The following TMEM9B variants were observed in gnomAD, a reference collection of about 807,000 sequenced individuals.
The protein encoded by TMEM9B is transmembrane protein 9B.
In TMEM9B, 8 loss-of-function variants were observed where a neutral mutation model predicts 23.5. The observed-to-expected ratio is 0.34, with a 90% CI of 0.20 to 0.61. The LOEUF (loss-of-function observed/expected upper bound fraction) is 0.61, where lower values mean the gene tolerates loss of function less well. TMEM9B is among the 20% of genes least tolerant of loss of function. The pLI, the probability that TMEM9B is intolerant of heterozygous loss-of-function variation, is 0.78. For synonymous variants in TMEM9B, 106 were observed against 96.3 expected (o/e 1.10, Z -0.59); for missense variants, 197 against 252.3 (o/e 0.78, Z 1.49).
intron 2 of TMEM9B, among the ~76,000 whole-genome samples, chr11:8,960,892 C>T (rs1854067849): frequency 6.6e-6 from 1 of 152,028 alleles, no homozygotes; most frequent in Non-Finnish European, 1.5e-5. Flanking sequence ...ACTCTGTTGG[C>T]CAGGCTGGTC....
At chr11:8,960,859 A>AT (rs1399133426) in intron 2 of TMEM9B, among the ~76,000 whole-genome samples, 1 of 151,312 alleles carries the variant, frequency 6.6e-6, no homozygotes. Flanking sequence ...TTTTTTTTGT[A>AT]TTTTTAGTAG....
chr11:8,952,961 G>A, intron 4 of TMEM9B: 2 of 586,900 alleles, frequency 3.4e-6, no homozygotes, highest in Admixed American at 3.0e-5. Context: ...CTTTGGTACT[G>A]AAAGCAAGGC....
chr11:8,964,714 A>C (rs1854168599), upstream of TMEM9B: 1 of 187,250 alleles, frequency 5.3e-6, no homozygotes, highest in African/African-American at 2.4e-5. Flanking sequence ...GACCCCAGCA[A>C]ACTCCGAGTG....
chr11:8,964,369 G>GGGCTCAGGCTCA lies in TMEM9B; in HGVS notation c.-68_-57dup, dbSNP rs3833778. On this transcript the variant is annotated 5_prime_UTR_variant, in exon 1 of 5. Coordinates refer to ENST00000534025, the MANE Select transcript of TMEM9B (RefSeq NM_020644.3). ...AGCCCCCGCGACCGGCTCCCGGCTC[G>GGGCTCAGGCTCA]GGCTCAGGCTCAGGCTCAGGCTCAG... 1.5e-3 allele frequency: 2,256 copies of GGGCTCAGGCTCA among 1,516,140 alleles called. 16 individuals are homozygous for GGGCTCAGGCTCA. In the African/African-American group the frequency reaches 0.015, roughly 10 times the overall value. 93.9% of individuals were successfully genotyped at this position (1,516,140 alleles called of 1,614,324 possible).
intron 1 of TMEM9B, 167 bp downstream of exon 1, chr11:8,964,042 G>C (rs576413536): frequency 6.0e-6 from 4 of 670,708 alleles, no homozygotes; most frequent in Admixed American, 3.2e-5. Context: ...AGTGCCGCCG[G>C]GCAGTCGGGA....
chr11:8,963,957 C>G (rs375142888), intron 1 of TMEM9B: 2 of 519,454 alleles, frequency 3.9e-6, no homozygotes, highest in Non-Finnish European at 6.8e-6. Flanking sequence ...GGGCTGCTGT[C>G]CGGACTGTGG....
At chr11:8,961,527 C>T (rs1305468592) in intron 2 of TMEM9B, among the ~76,000 whole-genome samples, 1 of 152,220 alleles carries the variant, frequency 6.6e-6, no homozygotes, top group Non-Finnish European at 1.5e-5. Context: ...TCAGGATCCC[C>T]CAGTCATCAC....
At chr11:8,952,774 G>A in intron 4 of TMEM9B, 1 of 262,952 alleles carries the variant, frequency 3.8e-6, no homozygotes, top group Admixed American at 4.9e-5. Context: ...TTATCAAGTT[G>A]TACTTCATTA....
chr11:8,953,379 C>A, intron 3 of TMEM9B, 42 bp from the exon 4 acceptor site: 1 of 1,600,998 alleles, frequency 6.2e-7, no homozygotes, highest in East Asian at 2.2e-5. Context: ...TGTTCAAGCC[C>A]ATAAATCAGA....
upstream of TMEM9B, chr11:8,964,471 G>T (rs1007950051): frequency 7.0e-7 from 1 of 1,422,036 alleles, no homozygotes; most frequent in East Asian, 2.6e-5. Context: ...GGGCGCGCCG[G>T]GTCAGATGCA....
At chr11:8,956,076 T>C (rs904066144) in intron 3 of TMEM9B, 114 bp downstream of exon 3, 2 of 780,522 alleles carry the variant, frequency 2.6e-6, no homozygotes, top group Non-Finnish European at 4.1e-6. Flanking sequence ...AACAGGCCCA[T>C]TATTCCTTTT....
At chr11:8,948,622 T>C (rs1341986760) in intron 4 of TMEM9B, 147 bp from the exon 5 acceptor site, 2 of 853,354 alleles carry the variant, frequency 2.3e-6, no homozygotes, top group Non-Finnish European at 3.5e-6. Flanking sequence ...TCCTAAGCGC[T>C]CAACTACCAG....
At position 8,948,174 on chromosome 11, in the gene TMEM9B, CA is replaced by C. The variant is rs1054042072; in HGVS notation, c.*145del. On this transcript the variant is annotated 3_prime_UTR_variant, in exon 5 of 5. Coordinates refer to ENST00000534025, the MANE Select transcript of TMEM9B (RefSeq NM_020644.3). ...TATTACGTTAACAAGAAAAAAAAAT[CA>C]AGCAAGTTTTTGCTTCCAGTTTTGA... 31 of 1,006,162 alleles carry C rather than the reference CA, an allele frequency of 3.1e-5. No individual in the cohort carries two copies. Among genetic ancestry groups the C allele is most frequent in the Non-Finnish European group, 4.3e-5 (30 of 705,450 alleles). 62.3% of individuals were successfully genotyped at this position (1,006,162 alleles called of 1,614,324 possible). A position where few individuals can be genotyped will look rare whatever the true frequency, so the allele number is the denominator to read the frequency against.
At chr11:8,952,292 TA>T in intron 4 of TMEM9B, among the ~76,000 whole-genome samples, 1 of 142,582 alleles carries the variant, frequency 7.0e-6, no homozygotes, top group Admixed American at 7.0e-5. Flanking sequence ...TATATATATA[TA>T]TATATAAACA....
Position 8,964,389 on chromosome 11 carries a change from G to GCTCAGGCTCAGT in TMEM9B, c.-77_-76insACTGAGCCTGAG, listed in dbSNP as rs1854155609. On this transcript the variant is annotated 5_prime_UTR_variant, in exon 1 of 5. Coordinates refer to ENST00000534025, the MANE Select transcript of TMEM9B (RefSeq NM_020644.3). The stretch of plus-strand genomic sequence containing the variant: ...GGCTCGGGCTCAGGCTCAGGCTCAG[G>GCTCAGGCTCAGT]CTCAGGCACAGGCTTGGGACCCGGC... 8 of 1,519,446 alleles carry GCTCAGGCTCAGT rather than the reference G, an allele frequency of 5.3e-6. No individual in the cohort carries two copies. In the African/African-American group the frequency reaches 1.1e-4, roughly 21 times the overall value. 94.1% of individuals were successfully genotyped at this position (1,519,446 alleles called of 1,614,324 possible).
At chr11:8,950,148 A>G (rs1407915576) in intron 4 of TMEM9B, among the ~76,000 whole-genome samples, 1 of 152,204 alleles carries the variant, frequency 6.6e-6, no homozygotes, top group Non-Finnish European at 1.5e-5. Context: ...AGAAAAAAAA[A>G]AAGGAGGCAG....
In TMEM9B at chr11:8,953,245, G is replaced by A; in HGVS notation, c.399C>T (p.Leu133=). ...TLVEPILKRR[L]FGHAQLIQSD... ...TCTGTATCAACTGTGCATGTCCAAA[G>A]AGGCGCCTCTTCAGTATGGGCTCAA... is the stretch of plus-strand genomic sequence containing the variant. The change falls in exon 4 of 5, where the codon CTC becomes CTT. Residue 133 remains leucine, a synonymous_variant. Transcript: ENST00000534025. 2 of 1,614,200 alleles carry A rather than the reference G, an allele frequency of 1.2e-6. No individual in the cohort carries two copies. The highest frequency in any genetic ancestry group is 1.7e-6 in the Non-Finnish European group (2 of 1,180,040).
rs1302567986 is a variant in TMEM9B, at chr11:8,957,194, T to A, written c.198-896A>T. On this transcript the variant is annotated intron_variant, in intron 2 of 4. Transcript: ENST00000534025. This position sits in a 1 kb window ranked among gnomAD's most constrained non-coding sequence, Gnocchi z 4.3. ...GAGAAATAGAATAACTAAAATATTT[T>A]AAAACAAAAACTGGTTATTCCAAAG... 6.6e-6 allele frequency among the ~76,000 whole-genome samples: 1 copy of A among 152,190 alleles called. No individual in the cohort carries two copies. The highest frequency in any genetic ancestry group is 1.5e-5 in the Non-Finnish European group (1 of 68,032).
chr11:8,951,271 T>C (rs1307917312), intron 4 of TMEM9B, among the ~76,000 whole-genome samples: 1 of 152,198 alleles, frequency 6.6e-6, no homozygotes, highest in Non-Finnish European at 1.5e-5. Flanking sequence ...TCTATGCCTA[T>C]AGATGCACGA....
Sources: allele counts gnomAD v4.1 joint callset (sites outside exome capture counted in the v4.1 genomes callset), GRCh38; gene constraint gnomAD v4.1.1; non-coding constraint Gnocchi (gnomAD v3.1); transcripts MANE v1.5; gene names NCBI Gene and HGNC (gene_info 2026-07-23, HGNC 2026-07-21).